TRABD2B: variants seen among roughly 807,000 people sequenced by gnomAD.
TRABD2B encodes the protein TraB domain containing 2B, also known as metalloprotease TIKI2.
TRABD2B carries 14 observed loss-of-function variants against 40.1 expected under a neutral mutation model. The observed-to-expected ratio is 0.35, with a 90% confidence interval of 0.23 to 0.55. The LOEUF (loss-of-function observed/expected upper bound fraction) is 0.55, where lower values mean the gene tolerates loss of function less well. TRABD2B is among the 20% of genes least tolerant of loss of function. TRABD2B has a pLI of 0.90. For missense variants in TRABD2B, 541 were observed against 648.6 expected (o/e 0.83, Z 1.80); for synonymous variants, 263 against 277.0 (o/e 0.95, Z 0.50).
intron 2 of TRABD2B, among the ~76,000 whole-genome samples, chr1:47,992,670 A>G (rs1411826658): frequency 6.6e-6 from 1 of 152,228 alleles, no homozygotes; most frequent in Non-Finnish European, 1.5e-5. Flanking sequence ...GAGGCTGGCA[A>G]GGGAAAAGTC....
chr1:47,902,939 A>T (rs940347476), intron 2 of TRABD2B, among the ~76,000 whole-genome samples: 1 of 152,178 alleles, frequency 6.6e-6, no homozygotes, highest in African/African-American at 2.4e-5. Flanking sequence ...GTCTAGTCAT[A>T]AATTCATCCT....
chr1:47,953,746 C>T (rs988488010), intron 2 of TRABD2B, among the ~76,000 whole-genome samples: 13 of 152,206 alleles, frequency 8.5e-5, no homozygotes, highest in Non-Finnish European at 1.9e-4. Flanking sequence ...GACCTTTATG[C>T]CTGGCTTCAG....
intron 2 of TRABD2B, among the ~76,000 whole-genome samples, chr1:47,928,390 G>A (rs185241640): frequency 8.5e-5 from 13 of 152,362 alleles, no homozygotes; most frequent in Non-Finnish European, 1.6e-4. Context: ...GATTAATGAT[G>A]AGGATTAAAA....
At chr1:47,911,696 C>T (rs2124707263) in intron 2 of TRABD2B, among the ~76,000 whole-genome samples, 1 of 152,350 alleles carries the variant, frequency 6.6e-6, no homozygotes, top group Middle Eastern at 3.4e-3. Flanking sequence ...AGCGCAGGCC[C>T]TCGTCTCCTC....
At chr1:47,815,822 T>C (rs1262713407) in intron 2 of TRABD2B, among the ~76,000 whole-genome samples, 2 of 77,486 alleles carry the variant, frequency 2.6e-5, no homozygotes, top group East Asian at 3.5e-4. Flanking sequence ...GATAGATAGA[T>C]AGATAGATAG....
At chr1:47,897,313 G>C (rs1021556144) in intron 2 of TRABD2B, among the ~76,000 whole-genome samples, 1 of 152,148 alleles carries the variant, frequency 6.6e-6, no homozygotes, top group Admixed American at 6.5e-5. Flanking sequence ...GATCAGAGAG[G>C]AAGCGAGCTG....
chr1:47,985,722 A>G (rs1485006541), intron 2 of TRABD2B, among the ~76,000 whole-genome samples: 3 of 152,256 alleles, frequency 2.0e-5, no homozygotes, highest in African/African-American at 4.8e-5. Flanking sequence ...CTAAAAGCCA[A>G]TTACATTGTT....
Position 47,931,842 on chromosome 1 carries a change from G to A in TRABD2B, c.666+62192C>T, listed in dbSNP as rs142630145. ...GAAGTCACTAAGCCTAGGGTGGTTTGTCACACGGCAATAGATAACCCCAAC... is the reference window on the plus strand; with the variant it reads ...GAAGTCACTAAGCCTAGGGTGGTTTATCACACGGCAATAGATAACCCCAAC... On this transcript the variant is annotated intron_variant, in intron 2 of 6. Transcript: ENST00000606738. Among the ~76,000 whole-genome samples, 449 of 152,294 alleles carry A rather than the reference G, an allele frequency of 2.9e-3. 2 individuals are homozygous for A. Among genetic ancestry groups the A allele is most frequent in the African/African-American group, 0.01 (431 of 41,558 alleles).
At chr1:47,828,826 T>A (rs144694195) in intron 2 of TRABD2B, among the ~76,000 whole-genome samples, 1 of 152,294 alleles carries the variant, frequency 6.6e-6, no homozygotes, top group Non-Finnish European at 1.5e-5. Flanking sequence ...GACTCTCACG[T>A]GACAGGTGCC....
chr1:47,765,899 A>G lies in TRABD2B; in HGVS notation c.*3T>C. 1.4e-6 allele frequency: 1 copy of G among 702,882 alleles called. No homozygotes were observed. Among genetic ancestry groups the G allele is most frequent in the South Asian group, 1.5e-5 (1 of 67,600 alleles). 43.5% of individuals were successfully genotyped at this position (702,882 alleles called of 1,614,324 possible). A position where few individuals can be genotyped will look rare whatever the true frequency, so the allele number is the denominator to read the frequency against. ...CTGGCTTCTCCACTTGGGGTGGCCGAGGTCAGGAGGGCCCAAGGCTATGCA... is the reference window on the plus strand; with the variant it reads ...CTGGCTTCTCCACTTGGGGTGGCCGGGGTCAGGAGGGCCCAAGGCTATGCA... On this transcript the variant is annotated 3_prime_UTR_variant, in exon 7 of 7. Coordinates refer to ENST00000606738, the MANE Select transcript of TRABD2B (RefSeq NM_001194986.2).
rs1181329327 is a variant in TRABD2B, at chr1:47,794,643, C to T, written c.931G>A (p.Val311Ile). 9 of 1,536,568 alleles carry T rather than the reference C, an allele frequency of 5.9e-6. No homozygotes were observed. The highest frequency in any genetic ancestry group is 1.4e-5 in the African/African-American group (1 of 73,044). ...YKRNERMGKRVMALLRENEDK... is the reference protein window; with the variant it reads ...YKRNERMGKRIMALLRENEDK... ...TCGTTCTCCCGTAGAAGCGCCATGA[C>T]CCTCTTCCCCATGCGCTCATTCCTC... The change falls in exon 4 of 7, where the codon GTC (valine) becomes ATC (isoleucine). Residue 311 changes from valine (V) to isoleucine (I), a missense_variant. Val to Ile is a conservative substitution (Grantham distance 29, BLOSUM62 3). Around this residue, in one of 2 missense-constraint regions of TRABD2B, gnomAD observed 369 missense variants for 492.8 expected, o/e 0.75. Coordinates refer to ENST00000606738, the MANE Select transcript of TRABD2B (RefSeq NM_001194986.2).
chr1:47,928,579 A>G (rs1260925560), intron 2 of TRABD2B, among the ~76,000 whole-genome samples: 3 of 152,228 alleles, frequency 2.0e-5, no homozygotes, highest in Non-Finnish European at 4.4e-5. Context: ...CTGAGCTGAG[A>G]AGAAGGGAAA....
chr1:47,983,756 GAA>G (rs67664418), intron 2 of TRABD2B, among the ~76,000 whole-genome samples: 1,920 of 122,160 alleles, frequency 0.016, 43 homozygotes, highest in African/African-American at 0.054. Flanking sequence ...GGCAAAAAAA[GAA>G]AAAAAAAAAA....
intron 2 of TRABD2B, among the ~76,000 whole-genome samples, chr1:47,905,690 G>T (rs1224338188): frequency 1.3e-5 from 2 of 151,922 alleles, no homozygotes; most frequent in Non-Finnish European, 2.9e-5. Context: ...CTATCTCTCT[G>T]CCTCCTTCTC....
intron 2 of TRABD2B, among the ~76,000 whole-genome samples, chr1:47,926,200 A>G (rs1374112890): frequency 2.6e-5 from 4 of 152,206 alleles, no homozygotes; most frequent in African/African-American, 9.7e-5. Flanking sequence ...ATTCCTTCTC[A>G]AAAATAAAAA....
chr1:47,830,906 T>C (rs1170873376), intron 2 of TRABD2B, among the ~76,000 whole-genome samples: 1 of 152,200 alleles, frequency 6.6e-6, no homozygotes, highest in Non-Finnish European at 1.5e-5. Flanking sequence ...TTCCAGCGTC[T>C]TTAATGAAAC....
chr1:47,778,728 G>T (rs368265510), intron 4 of TRABD2B, among the ~76,000 whole-genome samples, 184 bp from the exon 5 acceptor site: 4 of 152,178 alleles, frequency 2.6e-5, no homozygotes, highest in African/African-American at 9.7e-5. Flanking sequence ...ACCCTGCCTG[G>T]GTTCAAATCC....
chr1:47,768,983 C>G (rs1644344166), intron 6 of TRABD2B, among the ~76,000 whole-genome samples: 1 of 152,282 alleles, frequency 6.6e-6, no homozygotes, highest in Admixed American at 6.5e-5. Context: ...ATGAGCAAAC[C>G]CCTGATGGAG....
intron 2 of TRABD2B, among the ~76,000 whole-genome samples, chr1:47,951,020 A>G (rs150964638): frequency 7.4e-4 from 112 of 152,302 alleles, no homozygotes; most frequent in Non-Finnish European, 1.3e-3. Context: ...ATTTTTATGA[A>G]CTAAATGTCC....
Sources: gnomAD v4.1 joint callset for allele counts (sites outside exome capture counted in the v4.1 genomes callset) on GRCh38, gnomAD v4.1.1 for gene constraint, gnomAD v4.1.1 regional missense constraint, MANE v1.5 for transcripts, NCBI Gene and HGNC (gene_info 2026-07-23, HGNC 2026-07-21) for gene names.